MDGA2: variants seen among roughly 807,000 people sequenced by gnomAD.
MDGA2 encodes MAM domain containing glycosylphosphatidylinositol anchor 2.
MDGA2 carries 40 observed loss-of-function variants against 117.8 expected under a neutral mutation model. The observed-to-expected ratio is 0.34, with a 90% CI of 0.26 to 0.44. The LOEUF (loss-of-function observed/expected upper bound fraction) is 0.44. Among genes scored for constraint, MDGA2 ranks in the 20% least tolerant of loss-of-function variants. The pLI, the probability that MDGA2 is intolerant of heterozygous loss-of-function variation, is 1.00. For missense variants in MDGA2, 1,123 were observed against 1,250.6 expected, an observed-to-expected ratio of 0.90 and a Z score of 1.54; for synonymous variants, 452 against 439.0, an observed-to-expected ratio of 1.03 and a Z score of -0.37.
At chr14:47,024,839 C>A (rs542672712) in intron 8 of MDGA2, among the ~76,000 whole-genome samples, 5 of 152,016 alleles carry the variant, frequency 3.3e-5, no homozygotes, top group South Asian at 2.1e-4. Context: ...TTTTGAAGAA[C>A]CTTTATTTTT....
At chr14:47,396,535 A>C (rs1434972400) in intron 1 of MDGA2, among the ~76,000 whole-genome samples, 2 of 152,186 alleles carry the variant, frequency 1.3e-5, no homozygotes, top group Non-Finnish European at 2.9e-5. Flanking sequence ...AGAAACTATC[A>C]TCAGAGTGAA....
At chr14:47,568,597 C>T (rs185914663) in intron 1 of MDGA2, among the ~76,000 whole-genome samples, 200 of 152,268 alleles carry the variant, frequency 1.3e-3, no homozygotes, top group African/African-American at 4.7e-3. Context: ...TTGCCCCAAA[C>T]ACTATTAAGC....
intron 1 of MDGA2, among the ~76,000 whole-genome samples, chr14:47,442,040 T>TA (rs1893023254): frequency 6.6e-6 from 1 of 152,184 alleles, no homozygotes; most frequent in South Asian, 2.1e-4. Context: ...GAAGAAAAGA[T>TA]AAACAGGCTT....
intron 1 of MDGA2, among the ~76,000 whole-genome samples, chr14:47,668,601 CTAAG>C (rs1159442999): frequency 6.6e-6 from 1 of 152,104 alleles, no homozygotes; most frequent in Non-Finnish European, 1.5e-5. Context: ...ATTGTTTGCT[CTAAG>C]TAATATAGTG....
intron 2 of MDGA2, among the ~76,000 whole-genome samples, chr14:47,252,987 G>A (rs987379126): frequency 2.0e-5 from 3 of 152,096 alleles, no homozygotes; most frequent in Non-Finnish European, 4.4e-5. Flanking sequence ...AATGAGAGCC[G>A]AGCAAAAGGG....
intron 3 of MDGA2, among the ~76,000 whole-genome samples, chr14:47,147,436 T>A (rs948130942): frequency 6.6e-6 from 1 of 151,886 alleles, no homozygotes; most frequent in African/African-American, 2.4e-5. Context: ...TTTGCAGAAC[T>A]CTCTGAGCTG....
chr14:47,256,808 A>AGAAGGAAGGAAGAAAGGAAAGAAG (rs1887635233), intron 2 of MDGA2, among the ~76,000 whole-genome samples: 3 of 151,886 alleles, frequency 2.0e-5, no homozygotes, highest in Admixed American at 2.0e-4. Context: ...AGAGAAAGAG[A>AGAAGGAAGGAAGAAAGGAAAGAAG]GAAGGAAGGA....
At chr14:47,588,170 G>A (rs1336595094) in intron 1 of MDGA2, among the ~76,000 whole-genome samples, 2 of 148,474 alleles carry the variant, frequency 1.3e-5, no homozygotes, top group Non-Finnish European at 3.0e-5. Context: ...TATGAATAAT[G>A]CTGTCATGAA....
intron 11 of MDGA2, among the ~76,000 whole-genome samples, chr14:46,881,806 T>C (rs1045662892): frequency 6.6e-6 from 1 of 152,122 alleles, no homozygotes; most frequent in Non-Finnish European, 1.5e-5. Context: ...ACATTGCTTA[T>C]ATCACATAGG....
chr14:47,250,230 C>G (rs1383626186), intron 2 of MDGA2, among the ~76,000 whole-genome samples: 1 of 152,210 alleles, frequency 6.6e-6, no homozygotes, highest in Non-Finnish European at 1.5e-5. Context: ...CAGAACAGTT[C>G]TCTGGAACTT....
intron 8 of MDGA2, among the ~76,000 whole-genome samples, chr14:46,985,106 G>A (rs941005712): frequency 6.6e-6 from 1 of 152,044 alleles, no homozygotes; most frequent in East Asian, 1.9e-4. Context: ...CAAGCTGATA[G>A]CTTCAGTTAC....
intron 8 of MDGA2, among the ~76,000 whole-genome samples, chr14:46,983,513 A>G (rs1334641467): frequency 6.6e-6 from 1 of 152,128 alleles, no homozygotes; most frequent in Admixed American, 6.6e-5. Flanking sequence ...AGCATCATCA[A>G]AAAAATTCCT....
At chr14:47,267,703 T>C (rs760392702) in intron 2 of MDGA2, among the ~76,000 whole-genome samples, 13 of 152,158 alleles carry the variant, frequency 8.5e-5, no homozygotes, top group Non-Finnish European at 1.8e-4. Context: ...TCCTCAATTG[T>C]TTTTTTCTTC....
chr14:47,562,072 A>G (rs1461774259), intron 1 of MDGA2, among the ~76,000 whole-genome samples: 1 of 152,216 alleles, frequency 6.6e-6, no homozygotes, highest in Admixed American at 6.5e-5. Context: ...TCCCACGGAT[A>G]AAGTCTACTT....
chr14:47,416,702 C>T (rs191948830), intron 1 of MDGA2, among the ~76,000 whole-genome samples: 1 of 152,266 alleles, frequency 6.6e-6, no homozygotes, highest in East Asian at 1.9e-4. Flanking sequence ...CACGCATGAG[C>T]TGCACCAGGA....
At chr14:46,927,000 G>A (rs942771166) in intron 9 of MDGA2, among the ~76,000 whole-genome samples, 1 of 152,166 alleles carries the variant, frequency 6.6e-6, no homozygotes, top group African/African-American at 2.4e-5. Context: ...CTTGAGAGAA[G>A]AATGGTCACT....
intron 1 of MDGA2, among the ~76,000 whole-genome samples, chr14:47,607,827 A>G (rs1896769209): frequency 6.6e-6 from 1 of 152,156 alleles, no homozygotes; most frequent in Non-Finnish European, 1.5e-5. Context: ...GGCTATCTGA[A>G]TACTTAAAAG....
At chr14:46,875,796 A>G (rs1341404911) in intron 12 of MDGA2, among the ~76,000 whole-genome samples, 1 of 151,634 alleles carries the variant, frequency 6.6e-6, no homozygotes, top group Non-Finnish European at 1.5e-5. Flanking sequence ...ACATATGCAC[A>G]AAAAAGAGTC....
chr14:47,175,325 A>C (rs1884387713), intron 3 of MDGA2, among the ~76,000 whole-genome samples: 2 of 151,708 alleles, frequency 1.3e-5, no homozygotes, highest in African/African-American at 4.9e-5. Flanking sequence ...CTGATACCAA[A>C]GCCGGGCAGA....
Sources: gnomAD v4.1 joint callset for allele counts (sites outside exome capture counted in the v4.1 genomes callset) on GRCh38, gnomAD v4.1.1 for gene constraint, MANE v1.5 for transcripts, NCBI Gene and HGNC (gene_info 2026-07-23, HGNC 2026-07-21) for gene names.